SLC4A10: variants seen among roughly 807,000 people sequenced by gnomAD.
SLC4A10 encodes the protein solute carrier family 4 member 10.
In SLC4A10, 42 loss-of-function variants were observed where a neutral mutation model predicts 137.7. The ratio of observed to expected loss-of-function variants is 0.30; its 90% CI spans 0.24 to 0.39. The LOEUF (loss-of-function observed/expected upper bound fraction) is 0.39. Ranked by LOEUF, SLC4A10 falls within the 10% of genes least tolerant of loss-of-function variation. The probability of loss-of-function intolerance (pLI) is 1.00; values close to 1 mark genes in which losing one functional copy is unlikely to be tolerated. For synonymous variants in SLC4A10, 474 were observed against 464.1 expected (o/e 1.02, Z -0.27); for missense variants, 925 against 1,355.0 (o/e 0.68, Z 4.98).
intron 13 of SLC4A10, 123 bp downstream of exon 13, chr2:161,904,301 A>G: frequency 9.8e-7 from 1 of 1,024,748 alleles, no homozygotes; most frequent in Non-Finnish European, 1.4e-6. Context: ...GGTCTGGCAG[A>G]TACACCTTAT....
chr2:161,969,867 G>T (rs539811369), intron 23 of SLC4A10, among the ~76,000 whole-genome samples: 8 of 152,278 alleles, frequency 5.3e-5, no homozygotes, highest in Non-Finnish European at 7.4e-5. Flanking sequence ...GGGAAGCATG[G>T]CCAAATTATT....
chr2:161,800,857 T>C (rs1421727599), intron 2 of SLC4A10, among the ~76,000 whole-genome samples: 1 of 152,034 alleles, frequency 6.6e-6, no homozygotes, highest in African/African-American at 2.4e-5. Flanking sequence ...ACCACTTTGC[T>C]TATTCCACTC....
intron 4 of SLC4A10, among the ~76,000 whole-genome samples, chr2:161,847,342 T>A (rs1040495439): frequency 2.0e-5 from 3 of 151,906 alleles, no homozygotes; most frequent in African/African-American, 7.3e-5. Flanking sequence ...TATTCTTTTT[T>A]TTTTTCTTTC....
At chr2:161,780,163 G>A (rs993459003) in intron 2 of SLC4A10, among the ~76,000 whole-genome samples, 1 of 151,990 alleles carries the variant, frequency 6.6e-6, no homozygotes, top group Non-Finnish European at 1.5e-5. Flanking sequence ...TAGCACAGTG[G>A]AGTGTGAATT....
intron 3 of SLC4A10, among the ~76,000 whole-genome samples, chr2:161,834,660 T>TAC (rs72327926): frequency 0.52 from 72,591 of 140,698 alleles, 18,591 homozygotes; most frequent in Non-Finnish European, 0.59. Flanking sequence ...CTTTATCGCC[T>TAC]ACACACACAC....
At chr2:161,951,169 A>C (rs1170531438) in intron 19 of SLC4A10, among the ~76,000 whole-genome samples, 1 of 152,166 alleles carries the variant, frequency 6.6e-6, no homozygotes, top group African/African-American at 2.4e-5. Context: ...AACCATACCA[A>C]CTTGTCTTAC....
chr2:161,983,218 AG>A lies in SLC4A10; in HGVS notation c.*68del. 1 of 1,536,792 alleles carries A rather than the reference AG, an allele frequency of 6.5e-7. No homozygotes were observed. The highest frequency in any genetic ancestry group is 8.7e-7 in the Non-Finnish European group (1 of 1,147,038). ...AAGAGAAGAAAGCTGACTCAGGGAA[AG>A]GTGTTGACAGGGAGACTTGTCTATG... On this transcript the variant is annotated 3_prime_UTR_variant, in exon 27 of 27. Coordinates refer to ENST00000446997, the MANE Select transcript of SLC4A10 (RefSeq NM_001178015.2).
At chr2:161,979,398 A>G (rs1033817135) in intron 26 of SLC4A10, among the ~76,000 whole-genome samples, 9 of 152,252 alleles carry the variant, frequency 5.9e-5, no homozygotes, top group African/African-American at 2.2e-4. Flanking sequence ...CTTTATATTT[A>G]GATATAACCA....
intron 1 of SLC4A10, among the ~76,000 whole-genome samples, chr2:161,704,511 A>G (rs1390775245): frequency 6.6e-6 from 1 of 151,602 alleles, no homozygotes; most frequent in African/African-American, 2.4e-5. Flanking sequence ...CTATTGAAAT[A>G]CTCCAAAGAA....
At chr2:161,869,827 T>C (rs1045802779) in intron 6 of SLC4A10, among the ~76,000 whole-genome samples, 1 of 151,614 alleles carries the variant, frequency 6.6e-6, no homozygotes, top group Non-Finnish European at 1.5e-5. Flanking sequence ...TAACTACTGC[T>C]CTGAAATATA....
intron 4 of SLC4A10, among the ~76,000 whole-genome samples, chr2:161,852,209 AT>A (rs1259316747): frequency 6.6e-6 from 1 of 152,216 alleles, no homozygotes; most frequent in Admixed American, 6.5e-5. Context: ...AAAAACCTGT[AT>A]TTCCTTAAAT....
chr2:161,879,212 C>A lies in SLC4A10; in HGVS notation c.1030C>A (p.Arg344=), dbSNP rs773447637. 3.1e-6 allele frequency: 5 copies of A among 1,613,368 alleles called. No individual in the cohort carries two copies. Among genetic ancestry groups the A allele is most frequent in the East Asian group, 4.5e-5 (2 of 44,860 alleles). The change falls in exon 9 of 27, where the codon CGA becomes AGA. Residue 344 remains arginine (R), a synonymous_variant. Transcript: ENST00000446997. ...ILVGELEFLD[R]TVVAFVRLSP... ...AGTGGGAGAACTGGAGTTCTTGGAT[C>A]GAACAGTAGTTGCGTTTGTCAGGTT... is the stretch of plus-strand genomic sequence containing the variant.
intron 1 of SLC4A10, among the ~76,000 whole-genome samples, chr2:161,721,144 A>G (rs2045617371): frequency 6.6e-6 from 1 of 152,156 alleles, no homozygotes; most frequent in Admixed American, 6.5e-5. Flanking sequence ...CCAGCTTACC[A>G]TTCTGTGTCT....
Position 161,976,820 on chromosome 2 carries a change from C to T in SLC4A10, c.3288C>T (p.Asn1096=), listed in dbSNP as rs747717169. ...DEMSKTALWR[N]LLITADNSKD... The stretch of plus-strand genomic sequence containing the variant: ...TGTCAAAGACTGCCTTGTGGAGGAA[C>T]CTTCTGATTACTGCCGATAACTCAA... Residue 1096 remains asparagine (N), a synonymous_variant, in exon 25 of 27, where the codon AAC becomes AAT. Transcript: ENST00000446997. 6 of 1,605,696 alleles carry T rather than the reference C, an allele frequency of 3.7e-6. No homozygotes were observed. Among genetic ancestry groups the T allele is most frequent in the Non-Finnish European group, 5.1e-6 (6 of 1,176,080 alleles).
rs1700661593 is a variant in SLC4A10, at chr2:161,985,120, A to G, written c.*1968A>G. 6.6e-6 allele frequency: 1 copy of G among 152,068 alleles called. No homozygotes were observed. The highest frequency in any genetic ancestry group is 1.5e-5 in the Non-Finnish European group (1 of 67,940). 9.4% of individuals were successfully genotyped at this position (152,068 alleles called of 1,614,324 possible). A position where few individuals can be genotyped will look rare whatever the true frequency, so the allele number is the denominator to read the frequency against. On this transcript the variant is annotated 3_prime_UTR_variant, in exon 27 of 27. Coordinates refer to ENST00000446997, the MANE Select transcript of SLC4A10 (RefSeq NM_001178015.2). The stretch of plus-strand genomic sequence containing the variant: ...GTATTATATATTTACTTCTAATTTC[A>G]GATTCCTGGTCAAAATTACTAAATA...
intron 4 of SLC4A10, among the ~76,000 whole-genome samples, chr2:161,848,602 T>C (rs564009844): frequency 6.6e-6 from 1 of 152,210 alleles, no homozygotes. Flanking sequence ...TGCATATGGC[T>C]AGCCAGTTAT....
intron 8 of SLC4A10, among the ~76,000 whole-genome samples, chr2:161,874,716 A>G (rs1248328899): frequency 6.6e-6 from 1 of 152,224 alleles, no homozygotes; most frequent in African/African-American, 2.4e-5. Context: ...AGCATGGCAC[A>G]CTGGAAAGAA....
At chr2:161,927,921 G>T (rs1022412820) in intron 15 of SLC4A10, among the ~76,000 whole-genome samples, 1 of 151,692 alleles carries the variant, frequency 6.6e-6, no homozygotes, top group Non-Finnish European at 1.5e-5. Flanking sequence ...TACACTGTTG[G>T]TGGGACTGTA....
At chr2:161,850,547 G>A (rs1484287256) in intron 4 of SLC4A10, among the ~76,000 whole-genome samples, 2 of 152,064 alleles carry the variant, frequency 1.3e-5, no homozygotes, top group Non-Finnish European at 2.9e-5. Context: ...TTTCTGTCGG[G>A]TTAGTAGTAA....
Sources: gnomAD v4.1 joint callset for allele counts (sites outside exome capture counted in the v4.1 genomes callset) on GRCh38, gnomAD v4.1.1 for gene constraint, MANE v1.5 for transcripts, NCBI Gene and HGNC (gene_info 2026-07-23, HGNC 2026-07-21) for gene names.